MRPS6: variants seen among roughly 807,000 people sequenced by gnomAD.
The protein encoded by MRPS6 is mitochondrial ribosomal protein S6.
MRPS6 carries 6 observed loss-of-function variants against 13.1 expected under a neutral mutation model. That is an observed-to-expected ratio of 0.46 (90% confidence interval 0.25 to 0.91). The LOEUF (loss-of-function observed/expected upper bound fraction) is 0.91, where lower values mean the gene tolerates loss of function less well. Ranked by LOEUF, MRPS6 falls within the 40% of genes least tolerant of loss-of-function variation. MRPS6 has a pLI of 0.18. For missense variants in MRPS6, 164 were observed against 155.6 expected, an observed-to-expected ratio of 1.05 and a Z score of -0.29; for synonymous variants, 61 against 56.5, an observed-to-expected ratio of 1.08 and a Z score of -0.36.
intron 1 of MRPS6, among the ~76,000 whole-genome samples, chr21:34,117,075 T>C (rs937462506): frequency 1.3e-5 from 2 of 152,180 alleles, no homozygotes; most frequent in Non-Finnish European, 2.9e-5. Context: ...GTGTACACAT[T>C]TTAAATTAAT....
chr21:34,094,554 G>GAC (rs1278725653), intron 1 of MRPS6, among the ~76,000 whole-genome samples: 2 of 152,066 alleles, frequency 1.3e-5, no homozygotes, highest in East Asian at 3.9e-4. Context: ...CCTAATCTGA[G>GAC]CATACCACAG....
chr21:34,114,908 A>G (rs561917189), intron 1 of MRPS6, among the ~76,000 whole-genome samples: 22 of 152,238 alleles, frequency 1.4e-4, no homozygotes, highest in South Asian at 1.0e-3. Context: ...TTCATTTTTT[A>G]AATTTATTCG....
chr21:34,139,666 C>T (rs1283591498), intron 2 of MRPS6, among the ~76,000 whole-genome samples: 1 of 152,094 alleles, frequency 6.6e-6, no homozygotes, highest in Non-Finnish European at 1.5e-5. Flanking sequence ...CAGCGTGGAC[C>T]TCCTGGGTTC....
intron 1 of MRPS6, chr21:34,102,040 G>T: frequency 2.0e-6 from 2 of 1,000,112 alleles, no homozygotes; most frequent in Non-Finnish European, 2.4e-6. Context: ...AACGTATGAG[G>T]CTGGATTGTG....
In MRPS6 at chr21:34,093,113, C is replaced by T. The variant is rs191276527; in HGVS notation, c.45+19368C>T. Among the ~76,000 whole-genome samples, 16 of 152,216 alleles carry T rather than the reference C, an allele frequency of 1.1e-4. No homozygotes were observed. In the East Asian group the frequency reaches 1.9e-3, roughly 18 times the overall value. ...TTATTAAAAATTTAGATGATTCGTC[C>T]TACATAATGTCAAAGCATTTGTTTA... is the stretch of plus-strand genomic sequence containing the variant. On this transcript the variant is annotated intron_variant, in intron 1 of 2. Coordinates refer to ENST00000399312, the MANE Select transcript of MRPS6 (RefSeq NM_032476.4).
At chr21:34,121,090 C>T (rs909813672) in intron 1 of MRPS6, among the ~76,000 whole-genome samples, 10 of 152,190 alleles carry the variant, frequency 6.6e-5, no homozygotes, top group African/African-American at 2.4e-4. Flanking sequence ...AAGGTCCTTG[C>T]TCCTCTGTAG....
At chr21:34,135,918 C>T (rs1362608133) in intron 2 of MRPS6, 2 of 469,760 alleles carry the variant, frequency 4.3e-6, no homozygotes, top group African/African-American at 4.0e-5. Context: ...ACTTGGCATA[C>T]TTCTCCTTCA....
rs115331593 is a variant in MRPS6, at chr21:34,114,901, A to G, written c.46-10440A>G. On this transcript the variant is annotated intron_variant, in intron 1 of 2. Coordinates refer to ENST00000399312, the MANE Select transcript of MRPS6 (RefSeq NM_032476.4). The stretch of plus-strand genomic sequence containing the variant: ...GTCTTCCCTTCTGCTCAGTGGGTTC[A>G]TTTTTTAAATTTATTCGCTCATAGC... Among the ~76,000 whole-genome samples the G allele has an allele frequency of 2.6e-3, 389 of 152,262 alleles. 3 individuals carry two copies. The highest frequency in any genetic ancestry group is 9.0e-3 in the African/African-American group (375 of 41,560).
intron 1 of MRPS6, chr21:34,105,769 A>C (rs946227647): frequency 1.3e-5 from 13 of 995,626 alleles, no homozygotes; most frequent in African/African-American, 1.7e-5. Flanking sequence ...GGTTTGACTA[A>C]TTGTATCCAT....
intron 2 of MRPS6, 131 bp downstream of exon 2, chr21:34,125,611 C>A: frequency 7.4e-7 from 1 of 1,346,504 alleles, no homozygotes; most frequent in Non-Finnish European, 1.0e-6. Flanking sequence ...TTTGGGTACA[C>A]ACTCTGGCAG....
chr21:34,119,583 C>T (rs1053135171), intron 1 of MRPS6, among the ~76,000 whole-genome samples: 15 of 152,096 alleles, frequency 9.9e-5, no homozygotes, highest in African/African-American at 3.4e-4. Flanking sequence ...TAACGTGAGG[C>T]GGGCAGGGTG....
intron 1 of MRPS6, among the ~76,000 whole-genome samples, chr21:34,076,961 C>G (rs1253128469): frequency 6.6e-6 from 1 of 152,096 alleles, no homozygotes; most frequent in African/African-American, 2.4e-5. Context: ...GGCTGCAGTC[C>G]CAGGTAGCCT....
At chr21:34,105,846 T>G in intron 1 of MRPS6, 4 of 995,260 alleles carry the variant, frequency 4.0e-6, no homozygotes, top group Non-Finnish European at 4.8e-6. Flanking sequence ...TATTTCTATA[T>G]TGAAAGGAGT....
chr21:34,135,033 T>C (rs990539463), intron 2 of MRPS6, among the ~76,000 whole-genome samples: 2 of 152,224 alleles, frequency 1.3e-5, no homozygotes, highest in Non-Finnish European at 2.9e-5. Flanking sequence ...TACATAGAAT[T>C]GGATGGTATT....
intron 2 of MRPS6, among the ~76,000 whole-genome samples, chr21:34,141,597 G>A (rs1221772604): frequency 1.3e-5 from 2 of 152,202 alleles, no homozygotes; most frequent in African/African-American, 4.8e-5. Flanking sequence ...TAACCAGCTA[G>A]AACATTGCAG....
rs534305602 is a variant in MRPS6 at position 34,089,452 on chromosome 21, A to G, written c.45+15707A>G. On this transcript the variant is annotated intron_variant, in intron 1 of 2. Transcript: ENST00000399312. ...AGTTGTTCTTCCCTCCCTGACTGCC[A>G]TATCTACAAGGTCTTATTTCTCTGA... Among the ~76,000 whole-genome samples, 122 of 152,102 alleles carry G rather than the reference A, an allele frequency of 8.0e-4. 1 individual carries two copies. Among genetic ancestry groups the G allele is most frequent in the African/African-American group, 2.9e-3 (120 of 41,460 alleles).
At chr21:34,136,036 C>A in intron 2 of MRPS6, 1 of 270,196 alleles carries the variant, frequency 3.7e-6, no homozygotes, top group South Asian at 5.3e-5. Flanking sequence ...TGTCAGGGGT[C>A]TCTACCACTG....
chr21:34,105,237 A>G (rs960970776), intron 1 of MRPS6: 8 of 1,000,258 alleles, frequency 8.0e-6, no homozygotes, highest in Non-Finnish European at 9.6e-6. Context: ...TTGCTTGGAC[A>G]TCCCATTTTC....
At chr21:34,082,293 CTA>C (rs1408811014) in intron 1 of MRPS6, among the ~76,000 whole-genome samples, 1 of 152,100 alleles carries the variant, frequency 6.6e-6, no homozygotes, top group African/African-American at 2.4e-5. Context: ...TTGAAAGTAT[CTA>C]TAGTTTCGGA....
Sources: gnomAD v4.1 joint callset for allele counts (sites outside exome capture counted in the v4.1 genomes callset) on GRCh38, gnomAD v4.1.1 for gene constraint, MANE v1.5 for transcripts, NCBI Gene and HGNC (gene_info 2026-07-23, HGNC 2026-07-21) for gene names.